Variants in RTTN observed in about 807,000 individuals in gnomAD.
The protein encoded by RTTN is rotatin.
Under a neutral mutation model 269.2 loss-of-function variants are expected in RTTN, and 182 were observed. That is an observed-to-expected ratio of 0.68 (90% CI 0.60 to 0.76). The LOEUF (loss-of-function observed/expected upper bound fraction) is 0.76. Among genes scored for constraint, RTTN ranks in the 30% least tolerant of loss-of-function variants. The pLI, the probability that RTTN is intolerant of heterozygous loss-of-function variation, is 0.00. For synonymous variants in RTTN, 1,006 were observed against 963.5 expected, an observed-to-expected ratio of 1.04 and a Z score of -0.82; for missense variants, 2,545 against 2,608.6, an observed-to-expected ratio of 0.98 and a Z score of 0.53.
At chr18:70,146,662 C>A (rs1302599469) in intron 17 of RTTN, among the ~76,000 whole-genome samples, 7 of 152,170 alleles carry the variant, frequency 4.6e-5, no homozygotes, top group Middle Eastern at 3.2e-3. Context: ...ACTTTTATCT[C>A]ACTTTATGAC....
At chr18:70,056,971 A>G (rs1408654479) in intron 37 of RTTN, among the ~76,000 whole-genome samples, 2 of 152,214 alleles carry the variant, frequency 1.3e-5, no homozygotes, top group Non-Finnish European at 2.9e-5. Context: ...CTGGATGGAG[A>G]GCAGAAAAAT....
At chr18:70,191,428 C>G (rs1203313923) in intron 8 of RTTN, among the ~76,000 whole-genome samples, 1 of 152,168 alleles carries the variant, frequency 6.6e-6, no homozygotes, top group Non-Finnish European at 1.5e-5. Flanking sequence ...CTGAGTTTCA[C>G]CACTGTTCTG....
intron 36 of RTTN, 93 bp from the exon 37 acceptor site, chr18:70,057,925 G>A (rs996313759): frequency 2.8e-5 from 22 of 789,628 alleles, no homozygotes; most frequent in Non-Finnish European, 4.0e-5. Context: ...AAGGTAACTC[G>A]AATACAATTC....
intron 8 of RTTN, 91 bp downstream of exon 8, chr18:70,193,197 G>GGA: frequency 1.1e-6 from 1 of 910,106 alleles, no homozygotes; most frequent in Non-Finnish European, 1.5e-6. Context: ...AAAAAAAAAA[G>GGA]GACAGAAAAA....
intron 28 of RTTN, among the ~76,000 whole-genome samples, chr18:70,099,782 T>C (rs1203668199): frequency 1.3e-5 from 2 of 152,244 alleles, no homozygotes; most frequent in African/African-American, 2.4e-5. Flanking sequence ...GGGATCCAGT[T>C]TCAGCTTTCT....
chr18:70,201,424 C>T (rs1470350800), intron 4 of RTTN, among the ~76,000 whole-genome samples: 8 of 150,140 alleles, frequency 5.3e-5, no homozygotes, highest in African/African-American at 9.8e-5. Flanking sequence ...AAAAAAAAAA[C>T]GGTGAAACCC....
chr18:70,104,771 C>T (rs1013949606), intron 28 of RTTN, among the ~76,000 whole-genome samples: 1 of 152,202 alleles, frequency 6.6e-6, no homozygotes, highest in African/African-American at 2.4e-5. Context: ...ACTCCAGACC[C>T]TGTTTGCCTG....
intron 9 of RTTN, among the ~76,000 whole-genome samples, chr18:70,188,470 A>C (rs2146078164): frequency 6.6e-6 from 1 of 152,374 alleles, no homozygotes; most frequent in Admixed American, 6.5e-5. Flanking sequence ...TATTGAAAGT[A>C]GCAATAATCT....
In RTTN at chr18:70,054,084, C is replaced by A. The variant is rs370063672; in HGVS notation, c.5185+47G>T. ...ATCTGAAACAGAGTAAGTTTTTTTT[C>A]CTCAGTATTATTCACTTACATTCTA... On this transcript the variant is annotated intron_variant, in intron 38 of 48. Coordinates refer to ENST00000640769, the MANE Select transcript of RTTN (RefSeq NM_173630.4). 4.7e-6 allele frequency: 7 copies of A among 1,476,322 alleles called. No individual in the cohort carries two copies. The Admixed American group carries it at 7.6e-5, about 16-fold the overall frequency. The allele number at this position is 1,476,322 out of a possible 1,614,324, so 91.5% of individuals were successfully genotyped here.
intron 23 of RTTN, chr18:70,128,888 A>G: frequency 5.1e-6 from 1 of 194,670 alleles, no homozygotes. Context: ...ACTGATATTT[A>G]CTTTATGCCA....
chr18:70,055,304 TACACACACACACATAC>T (rs2057785402), intron 37 of RTTN, among the ~76,000 whole-genome samples: 3 of 151,436 alleles, frequency 2.0e-5, no homozygotes, highest in Admixed American at 6.6e-5. Flanking sequence ...TCTCTCTCTG[TACACACACACACATAC>T]ACACACACAC....
chr18:70,054,813 T>C (rs751826109), intron 37 of RTTN, among the ~76,000 whole-genome samples: 3 of 151,936 alleles, frequency 2.0e-5, no homozygotes, highest in Non-Finnish European at 2.9e-5. Flanking sequence ...AGTAAAACCC[T>C]GTTTCAAAAG....
chr18:70,128,691 T>A (rs2059927079), intron 23 of RTTN, 145 bp from the exon 24 acceptor site: 1 of 628,476 alleles, frequency 1.6e-6, no homozygotes, highest in Admixed American at 2.9e-5. Context: ...TAAACAATTA[T>A]CATAATTTAT....
chr18:70,184,706 T>TGTGTGTGTGTG (rs1369363481), intron 10 of RTTN, among the ~76,000 whole-genome samples: 2 of 54,192 alleles, frequency 3.7e-5, no homozygotes, highest in African/African-American at 1.5e-4. Context: ...ACAGCAGGTT[T>TGTGTGTGTGTG]TTTTTTTTTT....
intron 34 of RTTN, among the ~76,000 whole-genome samples, chr18:70,069,530 G>A (rs961873619): frequency 6.6e-6 from 1 of 152,126 alleles, no homozygotes; most frequent in African/African-American, 2.4e-5. Flanking sequence ...AAATAGCAGA[G>A]TCATTTGCCA....
At position 70,193,178 on chromosome 18, in the gene RTTN, A is replaced by C. The variant is rs1226716325; in HGVS notation, c.1007+110T>G. The C allele has an allele frequency of 5.2e-5, 20 of 383,032 alleles. No homozygotes were observed. In the African/African-American group the frequency reaches 8.1e-4, roughly 16 times the overall value. The allele number at this position is 383,032 out of a possible 1,614,324, so 23.7% of individuals were successfully genotyped here. Reference sequence around the variant, plus strand: ...GGCCTATACCTGTGTTAATGTTTCAAAAAAAAAAAAAAAAAAAAGGACAGA... The same window carrying C: ...GGCCTATACCTGTGTTAATGTTTCACAAAAAAAAAAAAAAAAAAGGACAGA... On this transcript the variant is annotated intron_variant, in intron 8 of 48. Coordinates refer to ENST00000640769, the MANE Select transcript of RTTN (RefSeq NM_173630.4).
At position 70,003,832 on chromosome 18, in the gene RTTN, T is replaced by G. The variant is rs1404607984; in HGVS notation, c.*319A>C. ...TTAGTTTCTAAAAATATTGTTTTAT[T>G]AAATAACTGTTAAATAGGATTTTTA... On this transcript the variant is annotated 3_prime_UTR_variant, in exon 49 of 49. Coordinates refer to ENST00000640769, the MANE Select transcript of RTTN (RefSeq NM_173630.4). 5.4e-6 allele frequency: 1 copy of G among 184,460 alleles called. No individual in the cohort carries two copies. The highest frequency in any genetic ancestry group is 1.1e-5 in the Non-Finnish European group (1 of 89,862). 11.4% of individuals were successfully genotyped at this position (184,460 alleles called of 1,614,324 possible).
At chr18:70,064,575 G>A (rs1461339893) in intron 35 of RTTN, among the ~76,000 whole-genome samples, 1 of 152,056 alleles carries the variant, frequency 6.6e-6, no homozygotes, top group Admixed American at 6.6e-5. Flanking sequence ...AGTGAAAGAA[G>A]CCAGTCACAC....
In RTTN at chr18:70,121,788, G is replaced by A. The variant is rs80025577; in HGVS notation, c.3384-88C>T. On this transcript the variant is annotated intron_variant, in intron 25 of 48. Coordinates refer to ENST00000640769, the MANE Select transcript of RTTN (RefSeq NM_173630.4). The stretch of plus-strand genomic sequence containing the variant: ...TCATAGATATGTGGACTTAACAGAT[G>A]TCTTGTGAGGATGCTATTTTATGAG... 278 of 1,227,280 alleles carry A rather than the reference G, an allele frequency of 2.3e-4. 2 individuals carry two copies. In the East Asian group the frequency reaches 8.1e-3, roughly 36 times the overall value. The allele number at this position is 1,227,280 out of a possible 1,614,324, so 76.0% of individuals were successfully genotyped here.
Sources: gnomAD v4.1 joint callset for allele counts (sites outside exome capture counted in the v4.1 genomes callset) on GRCh38, gnomAD v4.1.1 for gene constraint, MANE v1.5 for transcripts, NCBI Gene and HGNC (gene_info 2026-07-23, HGNC 2026-07-21) for gene names.